Variants in ACTR3 observed in about 807,000 individuals in gnomAD.
The protein encoded by ACTR3 is actin related protein 3, also known as actin-related protein 3.
ACTR3 carries 12 observed loss-of-function variants against 56.8 expected under a neutral mutation model. That is an observed-to-expected ratio of 0.21 (90% confidence interval 0.14 to 0.34). The LOEUF is 0.34. ACTR3 is among the 10% of genes least tolerant of loss of function. The pLI is 1.00. For synonymous variants in ACTR3, 162 were observed against 167.4 expected (o/e 0.97, Z 0.25); for missense variants, 282 against 512.5 (o/e 0.55, Z 4.34).
intron 1 of ACTR3, chr2:113,890,598 A>C: frequency 7.5e-7 from 1 of 1,329,102 alleles, no homozygotes; most frequent in Admixed American, 3.7e-5. Context: ...CCCTTCCCCC[A>C]CTACGGTGGG....
At chr2:113,922,608 C>T (rs1679531717) in intron 3 of ACTR3, among the ~76,000 whole-genome samples, 1 of 142,806 alleles carries the variant, frequency 7.0e-6, no homozygotes, top group African/African-American at 2.7e-5. Flanking sequence ...AAGGTTAGGT[C>T]CATTTGAGAA....
intron 10 of ACTR3, chr2:113,954,856 G>C (rs1282363240): frequency 6.6e-6 from 1 of 151,912 alleles, no homozygotes; most frequent in South Asian, 2.1e-4. Context: ...GTATCACTGA[G>C]TCTAGGCCTT....
intron 1 of ACTR3, among the ~76,000 whole-genome samples, chr2:113,912,881 C>T (rs1679333460): frequency 6.9e-6 from 1 of 145,056 alleles, no homozygotes; most frequent in South Asian, 2.2e-4. Flanking sequence ...AGGTTATTTC[C>T]AGTCTTTTGC....
chr2:113,903,571 C>T (rs1224474212), intron 1 of ACTR3, among the ~76,000 whole-genome samples: 3 of 150,196 alleles, frequency 2.0e-5, no homozygotes, highest in African/African-American at 4.9e-5. Context: ...GAGTCTCGCT[C>T]CGTTGCTGGG....
In ACTR3 at chr2:113,962,218, G is replaced by A. The variant is rs1680337275; in HGVS notation, c.*4763G>A. 2 of 151,906 alleles carry A rather than the reference G, an allele frequency of 1.3e-5. No individual in the cohort carries two copies. The highest frequency in any genetic ancestry group is 1.5e-5 in the Non-Finnish European group (1 of 67,902). 9.4% of individuals were successfully genotyped at this position (151,906 alleles called of 1,614,324 possible). A position where few individuals can be genotyped will look rare whatever the true frequency, so the allele number is the denominator to read the frequency against. On this transcript the variant is annotated 3_prime_UTR_variant, in exon 12 of 12. Transcript: ENST00000263238. ...GTAAGGTAGTGGGGGATTACTAAGT[G>A]ATCATGACTTTTCTGAAGCAGGTCT...
chr2:113,916,521 T>G (rs1025166964), intron 2 of ACTR3, among the ~76,000 whole-genome samples: 2 of 152,156 alleles, frequency 1.3e-5, no homozygotes, highest in Non-Finnish European at 1.5e-5. Context: ...CTCATTTGTG[T>G]TTTTCAGTTT....
chr2:113,938,492 A>C (rs2104616248), intron 6 of ACTR3, among the ~76,000 whole-genome samples: 1 of 152,288 alleles, frequency 6.6e-6, no homozygotes, highest in East Asian at 1.9e-4. Flanking sequence ...CTCCTTTTAA[A>C]TGTTATTAAG....
intron 6 of ACTR3, among the ~76,000 whole-genome samples, chr2:113,938,770 G>T (rs1212379214): frequency 6.6e-6 from 1 of 152,028 alleles, no homozygotes; most frequent in African/African-American, 2.4e-5. Flanking sequence ...CATCTTCCCA[G>T]CTCCCTGTTG....
At chr2:113,912,676 C>T (rs765567588) in intron 1 of ACTR3, among the ~76,000 whole-genome samples, 4 of 152,042 alleles carry the variant, frequency 2.6e-5, no homozygotes, top group Non-Finnish European at 5.9e-5. Flanking sequence ...TATGTTTTTA[C>T]TCCTCCCCAT....
Position 113,959,241 on chromosome 2 carries a change from G to A in ACTR3, c.*1786G>A, listed in dbSNP as rs1680279403. On this transcript the variant is annotated 3_prime_UTR_variant, in exon 12 of 12. Coordinates refer to ENST00000263238, the MANE Select transcript of ACTR3 (RefSeq NM_005721.5). ...ATTTTCTGTGTAGGTAGAAATAAAT[G>A]TAGCTTTCTTATTTTACACAAATAG... The A allele has an allele frequency of 6.6e-6, 1 of 151,918 alleles. No individual in the cohort carries two copies. Among genetic ancestry groups the A allele is most frequent in the Non-Finnish European group, 1.5e-5 (1 of 67,888 alleles). 9.4% of individuals were successfully genotyped at this position (151,918 alleles called of 1,614,324 possible).
chr2:113,951,957 T>C, intron 10 of ACTR3, 112 bp downstream of exon 10: 2 of 1,350,540 alleles, frequency 1.5e-6, no homozygotes, highest in Non-Finnish European at 1.0e-6. Context: ...ACCTGTCAGG[T>C]ATTCTAATGG....
At chr2:113,919,915 ATTTAT>A (rs1679476323) in intron 3 of ACTR3, among the ~76,000 whole-genome samples, 3 of 152,020 alleles carry the variant, frequency 2.0e-5, no homozygotes, top group Admixed American at 2.0e-4. Flanking sequence ...TGCTTCGCTA[ATTTAT>A]TTTATTTTTA....
chr2:113,951,867 T>G (rs1278071077), intron 10 of ACTR3, 22 bp downstream of exon 10: 1 of 1,612,052 alleles, frequency 6.2e-7, no homozygotes, highest in Non-Finnish European at 8.5e-7. Context: ...CAATTATTGG[T>G]GAGAAGGTTG....
At chr2:113,908,823 T>C (rs1377787326) in intron 1 of ACTR3, among the ~76,000 whole-genome samples, 1 of 152,172 alleles carries the variant, frequency 6.6e-6, no homozygotes, top group Non-Finnish European at 1.5e-5. Flanking sequence ...AGGTTGAGCC[T>C]TCAAAACCTT....
chr2:113,904,688 G>A (rs1574353055), intron 1 of ACTR3: 1 of 152,280 alleles, frequency 6.6e-6, no homozygotes, highest in East Asian at 1.9e-4. Flanking sequence ...GCATCATTTT[G>A]CATTCTAACT....
At chr2:113,929,928 C>A (rs1224258154) in intron 4 of ACTR3, among the ~76,000 whole-genome samples, 1 of 152,178 alleles carries the variant, frequency 6.6e-6, no homozygotes. Flanking sequence ...ATCTGCCCAC[C>A]TCGGCCTCCC....
intron 11 of ACTR3, among the ~76,000 whole-genome samples, chr2:113,956,577 T>G (rs1023341776): frequency 5.3e-5 from 8 of 152,166 alleles, no homozygotes; most frequent in Non-Finnish European, 1.0e-4. Flanking sequence ...TGTTTTACAC[T>G]GAATAAAGGG....
At chr2:113,934,730 A>G (rs1679791951) in intron 6 of ACTR3, 1 of 159,722 alleles carries the variant, frequency 6.3e-6, no homozygotes, top group Non-Finnish European at 1.4e-5. Context: ...TGTACAGGGT[A>G]ACTGTATAAC....
At chr2:113,908,134 A>G (rs941791458) in intron 1 of ACTR3, among the ~76,000 whole-genome samples, 7 of 152,204 alleles carry the variant, frequency 4.6e-5, no homozygotes, top group African/African-American at 1.7e-4. Context: ...TATTATTACA[A>G]AAATATTTGA....
Sources: gnomAD v4.1 joint callset for allele counts (sites outside exome capture counted in the v4.1 genomes callset) on GRCh38, gnomAD v4.1.1 for gene constraint, MANE v1.5 for transcripts, NCBI Gene and HGNC (gene_info 2026-07-23, HGNC 2026-07-21) for gene names.